CPNE4: variants seen among roughly 807,000 people sequenced by gnomAD.
The protein encoded by CPNE4 is copine-4.
Under a neutral mutation model 67.9 loss-of-function variants are expected in CPNE4, and 25 were observed. The observed-to-expected ratio is 0.37, with a 90% CI of 0.27 to 0.51. The LOEUF (loss-of-function observed/expected upper bound fraction) is 0.51. Among genes scored for constraint, CPNE4 ranks in the 20% least tolerant of loss-of-function variants. The pLI is 0.93. For missense variants in CPNE4, 464 were observed against 690.8 expected (o/e 0.67, Z 3.68); for synonymous variants, 242 against 244.9 (o/e 0.99, Z 0.11).
chr3:132,035,111 G>A (rs2107709021), upstream of CPNE4: 4 of 969,272 alleles, frequency 4.1e-6, no homozygotes, highest in Non-Finnish European at 4.9e-6. Flanking sequence ...CATTGCCCCG[G>A]GAACCCGAGC....
chr3:132,036,053 T>C (rs1322645888), upstream of CPNE4, among the ~76,000 whole-genome samples: 1 of 152,174 alleles, frequency 6.6e-6, no homozygotes, highest in Non-Finnish European at 1.5e-5. Context: ...GACCCCCTCT[T>C]AATTGTTCTA....
In CPNE4 at chr3:131,740,540, CT is replaced by C. The variant is rs1232363812; in HGVS notation, c.181-16916del. 2.0e-5 allele frequency among the ~76,000 whole-genome samples: 3 copies of C among 152,174 alleles called. No homozygotes were observed. In the East Asian group the frequency reaches 5.8e-4, roughly 29 times the overall value. ...CCAACCCACCACCAAATCCTGTTGT[CT>C]TACCTTTAAAATAGATACCGGATCT... On this transcript the variant is annotated intron_variant, in intron 2 of 15. Transcript: ENST00000429747.
chr3:131,720,171 G>C (rs898073315), intron 3 of CPNE4, among the ~76,000 whole-genome samples: 3 of 151,908 alleles, frequency 2.0e-5, no homozygotes, highest in Non-Finnish European at 4.4e-5. Context: ...ACCGGCATCT[G>C]TATTTCTTTG....
chr3:131,905,101 C>T (rs1642984363), intron 2 of CPNE4, among the ~76,000 whole-genome samples, 163 bp downstream of exon 2: 1 of 152,132 alleles, frequency 6.6e-6, no homozygotes, highest in African/African-American at 2.4e-5. Flanking sequence ...ATATCCACAA[C>T]ATCAAAACAG....
At chr3:131,578,725 A>T (rs1396281541) in intron 9 of CPNE4, among the ~76,000 whole-genome samples, 1 of 152,204 alleles carries the variant, frequency 6.6e-6, no homozygotes, top group Non-Finnish European at 1.5e-5. Flanking sequence ...TAGATAAAAG[A>T]TCAAACCAGA....
chr3:132,035,131 GC>G, upstream of CPNE4: 1 of 903,488 alleles, frequency 1.1e-6, no homozygotes, highest in Non-Finnish European at 1.3e-6. Context: ...CTCAGGCCCC[GC>G]CCAGGCCTTG....
chr3:131,548,985 T>G (rs187347448), intron 14 of CPNE4, among the ~76,000 whole-genome samples: 1 of 152,218 alleles, frequency 6.6e-6, no homozygotes, highest in East Asian at 1.9e-4. Context: ...GAGATATTAT[T>G]GAATGAGTAC....
chr3:131,687,795 G>C (rs757127280), intron 5 of CPNE4, among the ~76,000 whole-genome samples: 15 of 152,262 alleles, frequency 9.9e-5, no homozygotes, highest in Non-Finnish European at 1.9e-4. Context: ...TAGGTTGCTG[G>C]TAAGAAAAGT....
At chr3:131,640,965 T>A (rs1347302224) in intron 7 of CPNE4, among the ~76,000 whole-genome samples, 1 of 152,148 alleles carries the variant, frequency 6.6e-6, no homozygotes, top group East Asian at 1.9e-4. Flanking sequence ...GCAAGCCACA[T>A]GCAGAAGAAT....
chr3:131,813,653 C>T (rs2084622232), intron 2 of CPNE4, among the ~76,000 whole-genome samples: 1 of 151,968 alleles, frequency 6.6e-6, no homozygotes, highest in African/African-American at 2.4e-5. Context: ...CTGAGAGAAA[C>T]AGGTTAACCA....
chr3:131,906,838 A>C (rs1320816629), intron 1 of CPNE4, among the ~76,000 whole-genome samples: 1 of 151,894 alleles, frequency 6.6e-6, no homozygotes. Flanking sequence ...ACTGACTTCC[A>C]CAATGGTTGA....
chr3:131,916,717 G>A (rs2089195997), intron 1 of CPNE4, among the ~76,000 whole-genome samples: 1 of 152,138 alleles, frequency 6.6e-6, no homozygotes, highest in Admixed American at 6.6e-5. Flanking sequence ...CAATACAGCG[G>A]CTACTAGTAA....
intron 1 of CPNE4, among the ~76,000 whole-genome samples, chr3:131,961,797 T>C (rs2072189329): frequency 6.6e-6 from 1 of 152,144 alleles, no homozygotes; most frequent in Non-Finnish European, 1.5e-5. Context: ...AGAGACAACA[T>C]AGGTGACATC....
intron 7 of CPNE4, among the ~76,000 whole-genome samples, chr3:131,621,294 G>A (rs1940450911): frequency 6.6e-6 from 1 of 151,958 alleles, no homozygotes; most frequent in Non-Finnish European, 1.5e-5. Flanking sequence ...ATCCAGGCTG[G>A]AGTGCAGTGC....
chr3:131,925,576 C>T (rs1427287644), intron 1 of CPNE4: 3 of 151,958 alleles, frequency 2.0e-5, no homozygotes, highest in Non-Finnish European at 4.4e-5. Context: ...AGATTTGTAC[C>T]CTTCTGCCTG....
intron 2 of CPNE4, among the ~76,000 whole-genome samples, chr3:131,817,178 G>A (rs771162821): frequency 7.9e-5 from 12 of 152,174 alleles, no homozygotes; most frequent in Non-Finnish European, 1.5e-4. Flanking sequence ...GGAAAAAAGA[G>A]AAAGCAAAGC....
chr3:131,898,449 G>C lies in CPNE4; in HGVS notation c.180+6815C>G, dbSNP rs16838024. ...GCAGGAAGCCAGATGTTATTCCTCT[G>C]GCTGATGAAATTATCTTCAGGGCAT... is the stretch of plus-strand genomic sequence containing the variant. On this transcript the variant is annotated intron_variant, in intron 2 of 15. Transcript: ENST00000429747. 8.9e-3 allele frequency among the ~76,000 whole-genome samples: 1,361 copies of C among 152,200 alleles called. 16 individuals are homozygous for C. The highest frequency in any genetic ancestry group is 0.03 in the African/African-American group (1,265 of 41,552).
chr3:131,799,928 TGTGTGTG>T (rs775089597), intron 2 of CPNE4, among the ~76,000 whole-genome samples: 1 of 38,480 alleles, frequency 2.6e-5, no homozygotes, highest in Non-Finnish European at 4.5e-5. Context: ...GTTGTGTGTG[TGTGTGTG>T]TGTGTGTGTG....
chr3:131,792,770 GTA>G (rs1239569973), intron 2 of CPNE4, among the ~76,000 whole-genome samples: 4 of 127,346 alleles, frequency 3.1e-5, no homozygotes, highest in Non-Finnish European at 6.7e-5. Context: ...CACTATATAT[GTA>G]TATGTGTGTG....
Sources: allele counts gnomAD v4.1 joint callset (sites outside exome capture counted in the v4.1 genomes callset), GRCh38; gene constraint gnomAD v4.1.1; transcripts MANE v1.5; gene names NCBI Gene and HGNC (gene_info 2026-07-23, HGNC 2026-07-21).